The following AHCYL2 variants were observed in gnomAD, a reference collection of about 807,000 sequenced individuals.
AHCYL2 encodes adenosylhomocysteinase like 2.
AHCYL2 carries 28 observed loss-of-function variants against 81.4 expected under a neutral mutation model. The observed-to-expected ratio is 0.34, with a 90% CI of 0.25 to 0.47. AHCYL2 has a LOEUF of 0.47. Among genes scored for constraint, AHCYL2 ranks in the 20% least tolerant of loss-of-function variants. AHCYL2 has a pLI of 1.00. For missense variants in AHCYL2, 551 were observed against 785.1 expected, an observed-to-expected ratio of 0.70 and a Z score of 3.56; for synonymous variants, 272 against 290.2, an observed-to-expected ratio of 0.94 and a Z score of 0.64.
chr7:129,337,445 G>T (rs955871933), intron 1 of AHCYL2, among the ~76,000 whole-genome samples: 6 of 151,892 alleles, frequency 4.0e-5, no homozygotes, highest in African/African-American at 1.5e-4. Context: ...CTTCTCCCAG[G>T]CTGGAGTACA....
At chr7:129,370,521 A>AC (rs1253381939) in intron 1 of AHCYL2, among the ~76,000 whole-genome samples, 1 of 152,016 alleles carries the variant, frequency 6.6e-6, no homozygotes, top group Non-Finnish European at 1.5e-5. Flanking sequence ...ACACAGTGAA[A>AC]CCCGGTCTCT....
At chr7:129,235,676 G>A (rs1412716523) in intron 1 of AHCYL2, among the ~76,000 whole-genome samples, 1 of 152,172 alleles carries the variant, frequency 6.6e-6, no homozygotes, top group East Asian at 1.9e-4. Flanking sequence ...GCTCACCTCA[G>A]CTTTCCAAAG....
chr7:129,411,316 C>T (rs1206136072), intron 11 of AHCYL2, among the ~76,000 whole-genome samples: 5 of 152,050 alleles, frequency 3.3e-5, no homozygotes, highest in African/African-American at 1.2e-4. Context: ...AAAAGAAACC[C>T]CATATCATTA....
intron 1 of AHCYL2, among the ~76,000 whole-genome samples, chr7:129,227,841 T>TTCTC (rs1235206249): frequency 6.6e-6 from 1 of 152,162 alleles, no homozygotes; most frequent in Non-Finnish European, 1.5e-5. Flanking sequence ...AAAAAACAAC[T>TTCTC]TCTCTGCTGA....
chr7:129,248,166 T>A (rs559434418), intron 1 of AHCYL2, among the ~76,000 whole-genome samples: 1 of 152,214 alleles, frequency 6.6e-6, no homozygotes, highest in African/African-American at 2.4e-5. Context: ...TGTGGAGGTA[T>A]GTTTCTAGAC....
rs976680789 is a variant in AHCYL2, at chr7:129,230,241, C to G, written c.363+4802C>G. Among the ~76,000 whole-genome samples, 3 of 151,862 alleles carry G rather than the reference C, an allele frequency of 2.0e-5. No individual in the cohort carries two copies. The East Asian group carries it at 5.8e-4, about 29-fold the overall frequency. ...GGGACTACAGGTGTGTGCCACCACA[C>G]CCGGCTGATTTTTTTAATTTTTAGT... On this transcript the variant is annotated intron_variant, in intron 1 of 16. Transcript: ENST00000325006.
At chr7:129,330,469 CA>C (rs1374134542) in intron 1 of AHCYL2, among the ~76,000 whole-genome samples, 5 of 149,432 alleles carry the variant, frequency 3.3e-5, no homozygotes, top group Admixed American at 6.7e-5. Context: ...TACTCTGGTA[CA>C]TTTTTTTTTT....
Position 129,329,383 on chromosome 7 carries a change from A to G in AHCYL2, c.364-50255A>G, listed in dbSNP as rs573574196. Among the ~76,000 whole-genome samples, 10 of 151,870 alleles carry G rather than the reference A, an allele frequency of 6.6e-5. No homozygotes were observed. The South Asian group carries it at 1.0e-3, about 16-fold the overall frequency. ...TTTTTTGTACAAATAAGGTCTGCCTATGTCGCCCAGACTGGTCTCAAACTC... is the reference window on the plus strand; with the variant it reads ...TTTTTTGTACAAATAAGGTCTGCCTGTGTCGCCCAGACTGGTCTCAAACTC... On this transcript the variant is annotated intron_variant, in intron 1 of 16. Transcript: ENST00000325006.
chr7:129,280,643 A>G (rs1338074447), intron 1 of AHCYL2, among the ~76,000 whole-genome samples: 2 of 151,658 alleles, frequency 1.3e-5, no homozygotes, highest in African/African-American at 2.4e-5. Flanking sequence ...ATCCCATACA[A>G]TGTTGAATAG....
At chr7:129,328,739 G>A (rs1798315479) in intron 1 of AHCYL2, among the ~76,000 whole-genome samples, 2 of 152,146 alleles carry the variant, frequency 1.3e-5, no homozygotes, top group Non-Finnish European at 1.5e-5. Flanking sequence ...ACCCGTCTCG[G>A]CCTCCCAAAG....
intron 1 of AHCYL2, chr7:129,375,804 A>C: frequency 6.5e-7 from 1 of 1,530,534 alleles, no homozygotes; most frequent in Non-Finnish European, 8.7e-7. Flanking sequence ...TGATGAGGAA[A>C]GTTTAAAGGC....
intron 1 of AHCYL2, among the ~76,000 whole-genome samples, chr7:129,259,055 A>G (rs1046968786): frequency 2.0e-5 from 3 of 152,212 alleles, no homozygotes; most frequent in Admixed American, 6.5e-5. Flanking sequence ...ACTAATATGT[A>G]TATAAAATAG....
chr7:129,232,816 A>G (rs796853204), intron 1 of AHCYL2, among the ~76,000 whole-genome samples: 1 of 152,254 alleles, frequency 6.6e-6, no homozygotes, highest in South Asian at 2.1e-4. Flanking sequence ...TAGCAATCAC[A>G]TCTTTGCCAA....
intron 1 of AHCYL2, among the ~76,000 whole-genome samples, chr7:129,335,431 G>A (rs962041356): frequency 2.6e-5 from 4 of 152,000 alleles, no homozygotes; most frequent in Admixed American, 1.3e-4. Flanking sequence ...GAGCTTGTCT[G>A]TTAAAGAAAA....
In AHCYL2 at chr7:129,368,138, A is replaced by G; in HGVS notation, c.364-11500A>G. ...ACACACAGGGAAAGAAGGAAGTCCA[A>G]CTATTGCTGCAGAAAGTCCCCACTG... is the stretch of plus-strand genomic sequence containing the variant. On this transcript the variant is annotated intron_variant, in intron 1 of 16. Transcript: ENST00000325006. This position sits in a 1 kb window ranked among gnomAD's most constrained non-coding sequence, Gnocchi z 4.4. 4 of 1,050,810 alleles carry G rather than the reference A, an allele frequency of 3.8e-6. No individual in the cohort carries two copies. The highest frequency in any genetic ancestry group is 4.6e-6 in the Non-Finnish European group (4 of 871,572). 65.1% of individuals were successfully genotyped at this position (1,050,810 alleles called of 1,614,324 possible).
At chr7:129,330,939 G>A (rs1363848546) in intron 1 of AHCYL2, among the ~76,000 whole-genome samples, 8 of 152,110 alleles carry the variant, frequency 5.3e-5, no homozygotes, top group Non-Finnish European at 1.2e-4. Flanking sequence ...CCTTAGGCTT[G>A]CATAAATAAA....
At chr7:129,310,111 A>T (rs1797600097) in intron 1 of AHCYL2, among the ~76,000 whole-genome samples, 1 of 152,074 alleles carries the variant, frequency 6.6e-6, no homozygotes, top group Non-Finnish European at 1.5e-5. Context: ...ATACCATCTC[A>T]TCCACCTCCT....
At chr7:129,348,061 G>C (rs1020841891) in intron 1 of AHCYL2, among the ~76,000 whole-genome samples, 1 of 152,174 alleles carries the variant, frequency 6.6e-6, no homozygotes, top group Non-Finnish European at 1.5e-5. Context: ...TTATCCTACA[G>C]ATATTCTCAC....
intron 1 of AHCYL2, among the ~76,000 whole-genome samples, chr7:129,257,946 T>G (rs1006777600): frequency 1.3e-5 from 2 of 152,230 alleles, no homozygotes; most frequent in African/African-American, 4.8e-5. Context: ...TGTTAACACA[T>G]TAAACACATT....
Sources: gnomAD v4.1 joint callset for allele counts (sites outside exome capture counted in the v4.1 genomes callset) on GRCh38, gnomAD v4.1.1 for gene constraint, Gnocchi (gnomAD v3.1) non-coding constraint, MANE v1.5 for transcripts, NCBI Gene and HGNC (gene_info 2026-07-23, HGNC 2026-07-21) for gene names.